The following MAP7 variants were observed in gnomAD, a reference collection of about 807,000 sequenced individuals.
MAP7 encodes the protein ensconsin.
Under a neutral mutation model 94.8 loss-of-function variants are expected in MAP7, and 52 were observed. That is an observed-to-expected ratio of 0.55 (90% CI 0.44 to 0.69). The LOEUF (loss-of-function observed/expected upper bound fraction) is 0.69, where lower values mean the gene tolerates loss of function less well. Ranked by LOEUF, MAP7 falls within the 30% of genes least tolerant of loss-of-function variation. The probability of loss-of-function intolerance (pLI) is 0.00; values close to 1 mark genes in which losing one functional copy is unlikely to be tolerated. For missense variants in MAP7, 940 were observed against 964.6 expected, an observed-to-expected ratio of 0.97 and a Z score of 0.34; for synonymous variants, 350 against 357.0, an observed-to-expected ratio of 0.98 and a Z score of 0.22.
intron 1 of MAP7, among the ~76,000 whole-genome samples, chr6:136,497,814 A>G (rs1211598680): frequency 4.0e-5 from 6 of 151,480 alleles, no homozygotes; most frequent in African/African-American, 1.2e-4. Context: ...AAAAAAAAAA[A>G]AAAAAGAAAG....
At chr6:136,547,667 G>A (rs989359635) in intron 1 of MAP7, among the ~76,000 whole-genome samples, 9 of 151,014 alleles carry the variant, frequency 6.0e-5, no homozygotes, top group East Asian at 2.0e-4. Flanking sequence ...AAATGTTTTC[G>A]CCACAAAGAA....
chr6:136,468,166 A>G (rs1807742163), intron 1 of MAP7, among the ~76,000 whole-genome samples: 1 of 152,124 alleles, frequency 6.6e-6, no homozygotes, highest in Admixed American at 6.5e-5. Flanking sequence ...CCTTGCGTGC[A>G]TGGCTCCTTA....
In MAP7 at chr6:136,403,374, C is replaced by T. The variant is rs573258473; in HGVS notation, c.244+8246G>A. 1.1e-4 allele frequency among the ~76,000 whole-genome samples: 16 copies of T among 152,334 alleles called. No individual in the cohort carries two copies. In the East Asian group the frequency reaches 2.9e-3, roughly 28 times the overall value. On this transcript the variant is annotated intron_variant, in intron 3 of 17. Transcript: ENST00000354570. ...CTATGAGGCAGACACTGCCATTAAA[C>T]TTATTTTATTATGAGAAGTCTGAGA...
intron 1 of MAP7, among the ~76,000 whole-genome samples, chr6:136,475,603 C>T (rs1562443214): frequency 6.6e-6 from 1 of 152,150 alleles, no homozygotes; most frequent in Non-Finnish European, 1.5e-5. Flanking sequence ...TAAACAACAT[C>T]ATGTTCAACC....
intron 15 of MAP7, among the ~76,000 whole-genome samples, chr6:136,358,480 T>C (rs1223558116): frequency 6.6e-6 from 1 of 152,180 alleles, no homozygotes; most frequent in Non-Finnish European, 1.5e-5. Flanking sequence ...AACATACACA[T>C]ACATACATTA....
intron 1 of MAP7, among the ~76,000 whole-genome samples, chr6:136,457,676 A>C (rs1803781489): frequency 6.6e-6 from 1 of 152,210 alleles, no homozygotes; most frequent in Admixed American, 6.5e-5. Flanking sequence ...GACACACCAT[A>C]GTAACAGAAT....
intron 1 of MAP7, among the ~76,000 whole-genome samples, chr6:136,476,449 G>A (rs1394900864): frequency 6.6e-6 from 1 of 152,040 alleles, no homozygotes; most frequent in Non-Finnish European, 1.5e-5. Flanking sequence ...TTCCTTTTAA[G>A]GTGCTTTCTC....
At chr6:136,489,140 A>G (rs1815700753) in intron 1 of MAP7, among the ~76,000 whole-genome samples, 1 of 151,722 alleles carries the variant, frequency 6.6e-6, no homozygotes, top group South Asian at 2.1e-4. Context: ...AAATAAGGAC[A>G]TATCTCTACC....
chr6:136,488,386 A>G (rs3823170), intron 1 of MAP7, among the ~76,000 whole-genome samples: 12,180 of 151,754 alleles, frequency 0.08, 1,097 homozygotes, highest in African/African-American at 0.22. Flanking sequence ...AAAAAATAAT[A>G]GTGTCTCCTC....
intron 7 of MAP7, among the ~76,000 whole-genome samples, chr6:136,375,122 A>G (rs533574195): frequency 6.6e-6 from 1 of 152,324 alleles, no homozygotes; most frequent in South Asian, 2.1e-4. Context: ...AAGATAATGC[A>G]GGTCAAGTAG....
chr6:136,550,158 G>A lies in MAP7; in HGVS notation c.67+184C>T, dbSNP rs1429174262. On this transcript the variant is annotated intron_variant, in intron 1 of 17. Coordinates refer to ENST00000354570, the MANE Select transcript of MAP7 (RefSeq NM_003980.6). The surrounding 1 kb of genome is among the most constrained non-coding windows in gnomAD (Gnocchi z 5.1). ...CGAGCCGGGCTGGCCGAGCCGCGGC[G>A]GCGAAGGGCGGGGGAAGGCGCTCTC... Among the ~76,000 whole-genome samples, 2 of 150,892 alleles carry A rather than the reference G, an allele frequency of 1.3e-5. No individual in the cohort carries two copies. Among genetic ancestry groups the A allele is most frequent in the Non-Finnish European group, 3.0e-5 (2 of 67,638 alleles).
chr6:136,526,645 G>A (rs919008657), intron 1 of MAP7: 3 of 985,398 alleles, frequency 3.0e-6, no homozygotes, highest in African/African-American at 1.7e-5. Flanking sequence ...TCCTCTCAGC[G>A]GCAGCGCAGC....
At chr6:136,549,904 G>C (rs1830006579) in intron 1 of MAP7, among the ~76,000 whole-genome samples, 1 of 152,224 alleles carries the variant, frequency 6.6e-6, no homozygotes. Flanking sequence ...GGGAAGGCGG[G>C]AGGAGGTGCC....
At chr6:136,456,421 C>T (rs965645228) in intron 1 of MAP7, among the ~76,000 whole-genome samples, 5 of 152,006 alleles carry the variant, frequency 3.3e-5, no homozygotes, top group African/African-American at 1.2e-4. Context: ...TCTGTAATCC[C>T]AGCACTTTAG....
chr6:136,382,145 T>C (rs1243320924), intron 6 of MAP7, among the ~76,000 whole-genome samples: 2 of 152,144 alleles, frequency 1.3e-5, no homozygotes, highest in African/African-American at 4.8e-5. Context: ...TCCAAGATTC[T>C]ACTGCCTTAA....
Position 136,456,653 on chromosome 6 carries a change from C to T in MAP7, c.68-34854G>A, listed in dbSNP as rs567126788. Among the ~76,000 whole-genome samples the T allele has an allele frequency of 2.5e-3, 370 of 146,136 alleles. 1 individual carries two copies. Among genetic ancestry groups the T allele is most frequent in the Non-Finnish European group, 4.0e-3 (270 of 67,112 alleles). On this transcript the variant is annotated intron_variant, in intron 1 of 17. Coordinates refer to ENST00000354570, the MANE Select transcript of MAP7 (RefSeq NM_003980.6). Reference sequence around the variant, plus strand: ...TGCTATAGCATTTCGGCCTGGGCAACAGAGTGATACCCTGTCTCAAAAAGA... The same window carrying T: ...TGCTATAGCATTTCGGCCTGGGCAATAGAGTGATACCCTGTCTCAAAAAGA...
intron 3 of MAP7, among the ~76,000 whole-genome samples, chr6:136,410,938 A>C (rs1012490626): frequency 6.6e-6 from 1 of 152,240 alleles, no homozygotes; most frequent in African/African-American, 2.4e-5. Context: ...TCCAAGGTAC[A>C]TCATTCAGGT....
chr6:136,460,461 T>TA (rs1804833295), intron 1 of MAP7, among the ~76,000 whole-genome samples: 1 of 152,218 alleles, frequency 6.6e-6, no homozygotes, highest in African/African-American at 2.4e-5. Flanking sequence ...GCACTGTTTA[T>TA]AAAAAGATGA....
chr6:136,455,317 C>A (rs1181082290), intron 1 of MAP7, among the ~76,000 whole-genome samples: 1 of 152,030 alleles, frequency 6.6e-6, no homozygotes, highest in Non-Finnish European at 1.5e-5. Flanking sequence ...CACCCAATAT[C>A]TGAGCATCTA....
Sources: allele counts gnomAD v4.1 joint callset (sites outside exome capture counted in the v4.1 genomes callset), GRCh38; gene constraint gnomAD v4.1.1; non-coding constraint Gnocchi (gnomAD v3.1); transcripts MANE v1.5; gene names NCBI Gene and HGNC (gene_info 2026-07-23, HGNC 2026-07-21).